HS3ST5: variants seen among roughly 807,000 people sequenced by gnomAD.
HS3ST5 encodes the protein heparan sulfate glucosamine 3-O-sulfotransferase 5.
A neutral mutation model predicts 25.4 loss-of-function variants in HS3ST5; 10 were observed. The observed-to-expected ratio is 0.39, with a 90% CI of 0.24 to 0.67. HS3ST5 has a LOEUF of 0.67. Among genes scored for constraint, HS3ST5 ranks in the 30% least tolerant of loss-of-function variants. The pLI is 0.44. For synonymous variants in HS3ST5, 170 were observed against 162.4 expected (o/e 1.05, Z -0.36); for missense variants, 324 against 420.7 (o/e 0.77, Z 2.01).
At chr6:114,159,475 T>A (rs1360759306) in intron 3 of HS3ST5, among the ~76,000 whole-genome samples, 1 of 152,206 alleles carries the variant, frequency 6.6e-6, no homozygotes, top group Non-Finnish European at 1.5e-5. Context: ...GTTATGACTA[T>A]GTTTATACTG....
At chr6:114,212,047 G>A (rs1018458225) in intron 2 of HS3ST5, among the ~76,000 whole-genome samples, 1 of 152,140 alleles carries the variant, frequency 6.6e-6, no homozygotes, top group Non-Finnish European at 1.5e-5. Context: ...CTGTGGGTGT[G>A]GTCTATAACG....
chr6:114,330,456 C>T (rs1216448328), intron 1 of HS3ST5, among the ~76,000 whole-genome samples: 1 of 152,170 alleles, frequency 6.6e-6, no homozygotes, highest in Non-Finnish European at 1.5e-5. Context: ...ATGTTTCCTG[C>T]TACCCACTCC....
intron 3 of HS3ST5, chr6:114,084,651 G>A: frequency 1.0e-6 from 1 of 1,001,412 alleles, no homozygotes. Context: ...GCCTTAATGA[G>A]AGGCTGATGG....
chr6:114,275,278 T>C (rs1287178970), intron 1 of HS3ST5, among the ~76,000 whole-genome samples: 2 of 152,064 alleles, frequency 1.3e-5, no homozygotes, highest in African/African-American at 4.8e-5. Flanking sequence ...AAAAAGAACA[T>C]AATATATGTT....
At chr6:114,163,262 T>C (rs1779056743) in intron 3 of HS3ST5, among the ~76,000 whole-genome samples, 1 of 152,200 alleles carries the variant, frequency 6.6e-6, no homozygotes, top group African/African-American at 2.4e-5. Context: ...TGTAAAAATC[T>C]GACTCAGAAA....
In HS3ST5 at chr6:114,187,536, G is replaced by A. The variant is rs1051045326; in HGVS notation, c.-144-19074C>T. 3.9e-5 allele frequency among the ~76,000 whole-genome samples: 6 copies of A among 152,170 alleles called. No individual in the cohort carries two copies. The South Asian group carries it at 1.2e-3, about 32-fold the overall frequency. On this transcript the variant is annotated intron_variant, in intron 2 of 4. Coordinates refer to ENST00000312719, the MANE Select transcript of HS3ST5 (RefSeq NM_153612.4). ...TGCAATTTCATGATCAAACTTGAACGGATGAGGAGTTGCTTCTTATGAATG... is the reference window on the plus strand; with the variant it reads ...TGCAATTTCATGATCAAACTTGAACAGATGAGGAGTTGCTTCTTATGAATG...
chr6:114,122,033 C>A (rs1438383419), intron 3 of HS3ST5, among the ~76,000 whole-genome samples: 4 of 152,192 alleles, frequency 2.6e-5, no homozygotes, highest in Non-Finnish European at 1.5e-5. Context: ...CTTGTCGAGA[C>A]TGGGGCTCTT....
intron 1 of HS3ST5, among the ~76,000 whole-genome samples, chr6:114,289,001 T>C (rs1314817386): frequency 1.3e-5 from 2 of 152,100 alleles, no homozygotes; most frequent in African/African-American, 4.8e-5. Flanking sequence ...GAGAACATTT[T>C]CAACACATTC....
intron 2 of HS3ST5, among the ~76,000 whole-genome samples, chr6:114,192,738 T>C (rs1455521866): frequency 6.6e-6 from 1 of 152,134 alleles, no homozygotes; most frequent in East Asian, 1.9e-4. Flanking sequence ...AACTATACAA[T>C]TTGGGGAAAA....
At chr6:114,097,631 G>C (rs1276257246) in intron 3 of HS3ST5, among the ~76,000 whole-genome samples, 6 of 151,560 alleles carry the variant, frequency 4.0e-5, no homozygotes, top group Admixed American at 3.9e-4. Context: ...AGTCTATTTT[G>C]TGCTCTGGAA....
At chr6:114,341,599 G>T (rs894034047) in intron 1 of HS3ST5, among the ~76,000 whole-genome samples, 2 of 150,938 alleles carry the variant, frequency 1.3e-5, no homozygotes, top group South Asian at 4.2e-4. Flanking sequence ...CCGCGCGCGC[G>T]CGCGCGTGTG....
At chr6:114,326,157 A>G (rs796769) in intron 1 of HS3ST5, among the ~76,000 whole-genome samples, 101,195 of 151,868 alleles carry the variant, frequency 0.67, 34,335 homozygotes, top group African/African-American at 0.77. Context: ...GGGAGGGTGA[A>G]CTGGGTGGGT....
chr6:114,205,611 A>G (rs972367727), intron 2 of HS3ST5, among the ~76,000 whole-genome samples: 2 of 152,158 alleles, frequency 1.3e-5, no homozygotes, highest in African/African-American at 4.8e-5. Context: ...CGCTCCCTGG[A>G]CATCAACTGG....
chr6:114,235,352 C>A, intron 1 of HS3ST5, among the ~76,000 whole-genome samples: 1 of 150,352 alleles, frequency 6.7e-6, no homozygotes, highest in South Asian at 2.1e-4. Context: ...CCCAAGGAAA[C>A]AAAAGAAATA....
intron 3 of HS3ST5, among the ~76,000 whole-genome samples, chr6:114,147,737 C>T (rs1778239007): frequency 6.6e-6 from 1 of 152,080 alleles, no homozygotes; most frequent in Non-Finnish European, 1.5e-5. Context: ...GGCACCACCA[C>T]ACTTCGCTAA....
At chr6:114,282,576 T>G (rs1301009726) in intron 1 of HS3ST5, among the ~76,000 whole-genome samples, 2 of 152,014 alleles carry the variant, frequency 1.3e-5, no homozygotes, top group African/African-American at 4.8e-5. Context: ...CTGGAAAGCC[T>G]CTTCCTGTGG....
intron 2 of HS3ST5, among the ~76,000 whole-genome samples, chr6:114,170,229 T>C (rs1779413201): frequency 6.6e-6 from 1 of 152,120 alleles, no homozygotes; most frequent in South Asian, 2.1e-4. Context: ...AACTAGCTGA[T>C]GATTTTTTTT....
chr6:114,137,328 G>A (rs1406945955), intron 3 of HS3ST5, among the ~76,000 whole-genome samples: 2 of 152,104 alleles, frequency 1.3e-5, no homozygotes, highest in Admixed American at 1.3e-4. Context: ...TTGCATATGA[G>A]AAAGCCACTT....
intron 2 of HS3ST5, among the ~76,000 whole-genome samples, chr6:114,205,986 G>C (rs1349536031): frequency 6.6e-6 from 1 of 152,144 alleles, no homozygotes; most frequent in Non-Finnish European, 1.5e-5. Flanking sequence ...ACCAGTACCA[G>C]GGGGTTGGGG....
Sources: gnomAD v4.1 joint callset for allele counts (sites outside exome capture counted in the v4.1 genomes callset) on GRCh38, gnomAD v4.1.1 for gene constraint, MANE v1.5 for transcripts, NCBI Gene and HGNC (gene_info 2026-07-23, HGNC 2026-07-21) for gene names.